The following COL25A1 variants were observed in gnomAD, a reference collection of about 807,000 sequenced individuals.
COL25A1 encodes collagen alpha-1(XXV) chain.
Under a neutral mutation model 128.4 loss-of-function variants are expected in COL25A1, and 103 were observed. That is an observed-to-expected ratio of 0.80 (90% confidence interval 0.68 to 0.94). The LOEUF is 0.94. COL25A1 is among the 40% of genes least tolerant of loss of function. The pLI is 0.00. For missense variants in COL25A1, 745 were observed against 840.0 expected (o/e 0.89, Z 1.40); for synonymous variants, 279 against 277.2 (o/e 1.01, Z -0.06).
At chr4:109,074,601 T>C (rs1170386646) in intron 3 of COL25A1, among the ~76,000 whole-genome samples, 2 of 152,180 alleles carry the variant, frequency 1.3e-5, no homozygotes, top group African/African-American at 4.8e-5. Context: ...ATATAGGCAG[T>C]TGGATTCCTG....
At chr4:108,984,899 G>C (rs1036970559) in intron 6 of COL25A1, among the ~76,000 whole-genome samples, 3 of 152,358 alleles carry the variant, frequency 2.0e-5, no homozygotes, top group Admixed American at 2.0e-4. Context: ...AGGACTGCCA[G>C]CATGCTGTCA....
At chr4:108,872,289 A>T (rs1738821086) in intron 19 of COL25A1, among the ~76,000 whole-genome samples, 1 of 152,040 alleles carries the variant, frequency 6.6e-6, no homozygotes, top group Non-Finnish European at 1.5e-5. Flanking sequence ...GGTGGCATGC[A>T]CCTGTAACTC....
chr4:108,952,018 A>C (rs1749496203), intron 8 of COL25A1, among the ~76,000 whole-genome samples: 1 of 152,204 alleles, frequency 6.6e-6, no homozygotes, highest in African/African-American at 2.4e-5. Flanking sequence ...AGCAGAACTA[A>C]AGATTATAGA....
Position 108,811,942 on chromosome 4 carries a change from C to T in COL25A1, c.*1985G>A, listed in dbSNP as rs562405607. On this transcript the variant is annotated 3_prime_UTR_variant, in exon 38 of 38. Coordinates refer to ENST00000399132, the MANE Select transcript of COL25A1 (RefSeq NM_198721.4). ...CTTATGGTTATATCTTAACTATAAG[C>T]CAAGGATGAGTTAATTTCCCTTCTG... 1 of 152,246 alleles carries T rather than the reference C, an allele frequency of 6.6e-6. No homozygotes were observed. Among genetic ancestry groups the T allele is most frequent in the South Asian group, 2.1e-4 (1 of 4,830 alleles). 9.4% of individuals were successfully genotyped at this position (152,246 alleles called of 1,614,324 possible).
At chr4:108,815,377 TA>T (rs35691027) in intron 37 of COL25A1, among the ~76,000 whole-genome samples, 74,385 of 151,892 alleles carry the variant, frequency 0.49, 19,210 homozygotes, top group Middle Eastern at 0.64. Context: ...AAATATAATT[TA>T]AAAAATAGTT....
At chr4:108,940,191 C>T (rs1450057875) in intron 10 of COL25A1, among the ~76,000 whole-genome samples, 2 of 152,124 alleles carry the variant, frequency 1.3e-5, no homozygotes, top group Non-Finnish European at 2.9e-5. Context: ...GTGCACACTA[C>T]GGCAGTGAGG....
intron 5 of COL25A1, among the ~76,000 whole-genome samples, chr4:109,020,893 T>C (rs944518489): frequency 2.0e-5 from 3 of 152,258 alleles, no homozygotes; most frequent in South Asian, 2.1e-4. Flanking sequence ...TATGTCTTTG[T>C]ATATACAGAT....
chr4:108,848,883 G>T, intron 26 of COL25A1, 80 bp from the exon 27 acceptor site: 2 of 1,023,172 alleles, frequency 2.0e-6, no homozygotes, highest in Non-Finnish European at 3.0e-6. Context: ...ATGCTAGTTT[G>T]TTAACACCAC....
At chr4:108,823,791 G>T in intron 35 of COL25A1, 2 of 544,682 alleles carry the variant, frequency 3.7e-6, no homozygotes, top group Non-Finnish European at 5.4e-6. Flanking sequence ...GTGAAGACAA[G>T]TGAGATGCTG....
intron 3 of COL25A1, among the ~76,000 whole-genome samples, chr4:109,158,379 T>C (rs1031947956): frequency 2.0e-5 from 3 of 152,114 alleles, no homozygotes; most frequent in East Asian, 1.9e-4. Flanking sequence ...AAAACCCTTC[T>C]AGGAAATACT....
At chr4:109,264,771 A>T (rs1402398231) in intron 3 of COL25A1, among the ~76,000 whole-genome samples, 1 of 152,170 alleles carries the variant, frequency 6.6e-6, no homozygotes, top group Non-Finnish European at 1.5e-5. Context: ...GCAACATGTG[A>T]TATCATTGGC....
chr4:109,013,521 TAAA>T (rs1296962612), intron 5 of COL25A1, among the ~76,000 whole-genome samples: 3 of 62,366 alleles, frequency 4.8e-5, no homozygotes, highest in African/African-American at 1.4e-4. Context: ...CTCTTTGCAA[TAAA>T]TCTTGCTGCT....
intron 3 of COL25A1, among the ~76,000 whole-genome samples, chr4:109,231,186 CTTACA>C (rs1020951400): frequency 4.0e-5 from 6 of 151,734 alleles, no homozygotes; most frequent in Non-Finnish European, 8.8e-5. Context: ...TAAAAATTTT[CTTACA>C]TTAAAGTTAA....
intron 3 of COL25A1, among the ~76,000 whole-genome samples, chr4:109,054,633 A>G (rs1182294351): frequency 6.6e-6 from 1 of 152,260 alleles, no homozygotes; most frequent in Non-Finnish European, 1.5e-5. Context: ...CTTTAAGTAC[A>G]TTAGATAAGA....
At chr4:108,827,767 C>T (rs1365232373) in intron 32 of COL25A1, among the ~76,000 whole-genome samples, 1 of 152,030 alleles carries the variant, frequency 6.6e-6, no homozygotes, top group East Asian at 1.9e-4. Context: ...GCAATCCTCC[C>T]ACCTTGGACT....
At chr4:109,259,943 G>A (rs1201301288) in intron 3 of COL25A1, among the ~76,000 whole-genome samples, 1 of 152,216 alleles carries the variant, frequency 6.6e-6, no homozygotes, top group African/African-American at 2.4e-5. Flanking sequence ...TTTGCTGGAA[G>A]AGTCTTGAAA....
chr4:109,254,300 C>A (rs1780894380), intron 3 of COL25A1, among the ~76,000 whole-genome samples: 1 of 150,320 alleles, frequency 6.7e-6, no homozygotes, highest in South Asian at 2.1e-4. Flanking sequence ...GGTAGAGTAA[C>A]CTTATTACTA....
At chr4:108,954,381 T>G (rs1010132646) in intron 8 of COL25A1, among the ~76,000 whole-genome samples, 2 of 152,160 alleles carry the variant, frequency 1.3e-5, no homozygotes, top group African/African-American at 4.8e-5. Flanking sequence ...TCACATGCTA[T>G]CATGTTTATT....
At chr4:109,039,545 C>G (rs574905745) in intron 5 of COL25A1, among the ~76,000 whole-genome samples, 1 of 152,154 alleles carries the variant, frequency 6.6e-6, no homozygotes, top group Non-Finnish European at 1.5e-5. Flanking sequence ...TGATCCCCTC[C>G]ACATCTAAAT....
Sources: gnomAD v4.1 joint callset for allele counts (sites outside exome capture counted in the v4.1 genomes callset) on GRCh38, gnomAD v4.1.1 for gene constraint, MANE v1.5 for transcripts, NCBI Gene and HGNC (gene_info 2026-07-23, HGNC 2026-07-21) for gene names.